The following STRIP1 variants were observed in gnomAD, a reference collection of about 807,000 sequenced individuals.
STRIP1 encodes the protein striatin interacting protein 1.
A neutral mutation model predicts 106.2 loss-of-function variants in STRIP1; 63 were observed. The ratio of observed to expected loss-of-function variants is 0.59; its 90% CI spans 0.48 to 0.73. The LOEUF is 0.73. STRIP1 is among the 30% of genes least tolerant of loss of function. The pLI is 0.00. For missense variants in STRIP1, 857 were observed against 1,074.8 expected (o/e 0.80, Z 2.83); for synonymous variants, 390 against 413.0 (o/e 0.94, Z 0.67).
intron 1 of STRIP1, among the ~76,000 whole-genome samples, chr1:110,037,604 G>A (rs1040029077): frequency 1.3e-5 from 2 of 152,158 alleles, no homozygotes; most frequent in Admixed American, 6.5e-5. Context: ...GTACCATGCT[G>A]GACCTTGTGA....
At chr1:110,046,506 A>G (rs1168382900) in intron 12 of STRIP1, among the ~76,000 whole-genome samples, 174 bp from the exon 13 acceptor site, 3 of 152,152 alleles carry the variant, frequency 2.0e-5, no homozygotes, top group Non-Finnish European at 4.4e-5. Flanking sequence ...TCTCAAAAAA[A>G]TAAAAATAAA....
intron 18 of STRIP1, among the ~76,000 whole-genome samples, 179 bp downstream of exon 18, chr1:110,050,588 C>A (rs1038502573): frequency 2.0e-4 from 31 of 152,206 alleles, no homozygotes; most frequent in African/African-American, 7.5e-4. Flanking sequence ...TCTTGCAGAG[C>A]AGAGAGATTT....
At chr1:110,040,567 G>A (rs1208709703) in intron 5 of STRIP1, 68 bp from the exon 6 acceptor site, 16 of 1,471,380 alleles carry the variant, frequency 1.1e-5, no homozygotes, top group South Asian at 9.0e-5. Context: ...CCATTGGTCA[G>A]TACTTGTCAG....
chr1:110,054,110 GT>G lies in STRIP1; in HGVS notation c.*199del. 1 of 596,000 alleles carries G rather than the reference GT, an allele frequency of 1.7e-6. No individual in the cohort carries two copies. The highest frequency in any genetic ancestry group is 3.0e-6 in the Non-Finnish European group (1 of 338,880). 36.9% of individuals were successfully genotyped at this position (596,000 alleles called of 1,614,324 possible). On this transcript the variant is annotated 3_prime_UTR_variant, in exon 21 of 21. Transcript: ENST00000369795. Reference sequence around the variant, plus strand: ...GTTCCCAGGGTCCTGCTCCGAAGCAGTCATCTCTGCCTGAGATCCATTCTTC... The same window carrying G: ...GTTCCCAGGGTCCTGCTCCGAAGCAGCATCTCTGCCTGAGATCCATTCTTC...
At chr1:110,038,400 T>A (rs954363929) in intron 2 of STRIP1, among the ~76,000 whole-genome samples, 1 of 152,114 alleles carries the variant, frequency 6.6e-6, no homozygotes, top group African/African-American at 2.4e-5. Context: ...AGCAGCCATT[T>A]GAGAGATGCA....
chr1:110,046,596 A>G (rs1321556109), intron 12 of STRIP1, 84 bp from the exon 13 acceptor site: 4 of 1,222,072 alleles, frequency 3.3e-6, no homozygotes, highest in South Asian at 2.4e-5. Context: ...TTTGAAGACA[A>G]ATGTGTGGGG....
chr1:110,051,816 A>AC lies in STRIP1; in HGVS notation c.2196dup (p.Met733HisfsTer24). ...TTGGGGCGGCAGTGGCGAAAGAGCA[A>AC]CATGAAGACCATGTCTGCCATCTAC... On this transcript the variant is annotated frameshift_variant, in exon 20 of 21. Coordinates refer to ENST00000369795, the MANE Select transcript of STRIP1 (RefSeq NM_033088.4). LOFTEE classifies it high-confidence loss of function. 1 of 1,613,648 alleles carries AC rather than the reference A, an allele frequency of 6.2e-7. No individual in the cohort carries two copies. Among genetic ancestry groups the AC allele is most frequent in the African/African-American group, 1.3e-5 (1 of 75,006 alleles).
intron 12 of STRIP1, among the ~76,000 whole-genome samples, chr1:110,046,442 G>T (rs971303958): frequency 2.0e-5 from 3 of 152,192 alleles, no homozygotes; most frequent in Admixed American, 2.0e-4. Flanking sequence ...GGAGGTGGCA[G>T]TGAGCCAAGA....
rs1653312116 is a variant in STRIP1 at position 110,051,784 on chromosome 1, C to G, written c.2163C>G (p.Thr721=). 6.2e-7 allele frequency: 1 copy of G among 1,613,886 alleles called. No individual in the cohort carries two copies. Among genetic ancestry groups the G allele is most frequent in the East Asian group, 2.2e-5 (1 of 44,886 alleles). The change falls in exon 20 of 21, where the codon ACC becomes ACG. Residue 721 remains threonine (T), a synonymous_variant. Coordinates refer to ENST00000369795, the MANE Select transcript of STRIP1 (RefSeq NM_033088.4). ...LYVLKLLKVQ[T]KYLGRQWRKS... ...TGCTGAAGCTGCTCAAGGTACAGAC[C>G]AAATACTTGGGGCGGCAGTGGCGAA...
intron 17 of STRIP1, 177 bp downstream of exon 17, chr1:110,049,737 C>A (rs1653203860): frequency 1.7e-6 from 1 of 581,932 alleles, no homozygotes; most frequent in Non-Finnish European, 3.0e-6. Flanking sequence ...TGTGTCAAAT[C>A]TGAGTCTAGC....
At chr1:110,050,306 G>A (rs1243401766) in intron 17 of STRIP1, 37 bp from the exon 18 acceptor site, 2 of 1,610,114 alleles carry the variant, frequency 1.2e-6, no homozygotes, top group Non-Finnish European at 1.7e-6. Context: ...CTGGGCCTTT[G>A]CTCATGGTGG....
At chr1:110,035,257 A>G (rs1652391880) in intron 1 of STRIP1, among the ~76,000 whole-genome samples, 1 of 152,164 alleles carries the variant, frequency 6.6e-6, no homozygotes, top group Non-Finnish European at 1.5e-5. Flanking sequence ...CCGCTCGCAG[A>G]GGAAGGCGCG....
intron 2 of STRIP1, 120 bp from the exon 3 acceptor site, chr1:110,038,563 T>G: frequency 1.4e-6 from 1 of 706,644 alleles, no homozygotes; most frequent in Non-Finnish European, 2.5e-6. Flanking sequence ...ATTCCAGGAG[T>G]CACTATGACT....
chr1:110,043,816 C>G lies in STRIP1; in HGVS notation c.1246C>G (p.Leu416Val). 6.2e-7 allele frequency: 1 copy of G among 1,614,144 alleles called. No individual in the cohort carries two copies. Among genetic ancestry groups the G allele is most frequent in the Non-Finnish European group, 8.5e-7 (1 of 1,180,036 alleles). ...PPLQHPQTDR[L>V]TCPKGLPWAP... ...GCTACAGCACCCACAGACTGACAGGCTGACTTGCCCCAAAGGGCTCCCGTG... is the reference window on the plus strand; with the variant it reads ...GCTACAGCACCCACAGACTGACAGGGTGACTTGCCCCAAAGGGCTCCCGTG... Residue 416 changes from leucine to valine, a missense_variant, in exon 10 of 21, where the codon CTG becomes GTG. This residue lies in a region of STRIP1 where 750 missense variants were observed against 989.8 expected (regional missense o/e 0.76). Transcript: ENST00000369795.
intron 1 of STRIP1, 50 bp from the exon 2 acceptor site, chr1:110,037,841 T>G: frequency 7.7e-7 from 1 of 1,292,104 alleles, no homozygotes; most frequent in Non-Finnish European, 1.1e-6. Flanking sequence ...TGAGTTTCTT[T>G]GATAAATAGA....
At chr1:110,036,033 G>T (rs923751178) in intron 1 of STRIP1, among the ~76,000 whole-genome samples, 8 of 152,154 alleles carry the variant, frequency 5.3e-5, no homozygotes, top group Admixed American at 1.3e-4. Context: ...AGTGCAGGGG[G>T]GTGAACCTAC....
At chr1:110,049,059 A>G (rs924689830) in intron 15 of STRIP1, 53 bp from the exon 16 acceptor site, 9 of 1,609,488 alleles carry the variant, frequency 5.6e-6, no homozygotes, top group African/African-American at 4.0e-5. Flanking sequence ...GTGGGCACCT[A>G]GAAATGAGGT....
In STRIP1 at chr1:110,047,870, G is replaced by A. The variant is rs1362760701; in HGVS notation, c.1661+1G>A. 5.1e-6 allele frequency: 8 copies of A among 1,555,514 alleles called. No individual in the cohort carries two copies. The highest frequency in any genetic ancestry group is 7.0e-6 in the Non-Finnish European group (8 of 1,148,192). On this transcript the variant is annotated splice_donor_variant, in intron 15 of 20. Coordinates refer to ENST00000369795, the MANE Select transcript of STRIP1 (RefSeq NM_033088.4). LOFTEE classifies it high-confidence loss of function. ...CGGACGTCTTGCCTGAGGAGATGCCGTGAGTATCATTCTGTGAATGAAGCA... is the reference window on the plus strand; with the variant it reads ...CGGACGTCTTGCCTGAGGAGATGCCATGAGTATCATTCTGTGAATGAAGCA...
intron 8 of STRIP1, chr1:110,042,756 A>G (rs1198922518): frequency 8.7e-6 from 2 of 230,454 alleles, no homozygotes; most frequent in East Asian, 8.8e-5. Flanking sequence ...CTTGTGAAAC[A>G]TGAGTCTCAC....
Sources: allele counts gnomAD v4.1 joint callset (sites outside exome capture counted in the v4.1 genomes callset), GRCh38; gene constraint gnomAD v4.1.1; regional missense constraint gnomAD v4.1.1; transcripts MANE v1.5; gene names NCBI Gene and HGNC (gene_info 2026-07-23, HGNC 2026-07-21).